Variants in ZNF536 observed in about 807,000 individuals in gnomAD.
ZNF536 encodes the protein zinc finger protein 536.
ZNF536 carries 13 observed loss-of-function variants against 84.5 expected under a neutral mutation model. That is an observed-to-expected ratio of 0.15 (90% confidence interval 0.10 to 0.24). The LOEUF is 0.24. ZNF536 is among the 10% of genes least tolerant of loss of function. ZNF536 has a pLI of 1.00. For missense variants in ZNF536, 1,536 were observed against 1,747.5 expected (o/e 0.88, Z 2.16); for synonymous variants, 811 against 742.5 (o/e 1.09, Z -1.50).
At chr19:30,489,892 A>G (rs2054441433) in intron 2 of ZNF536, among the ~76,000 whole-genome samples, 1 of 152,362 alleles carries the variant, frequency 6.6e-6, no homozygotes, top group South Asian at 2.1e-4. Flanking sequence ...CTGAAGAAGT[A>G]AAACAAATTC....
At chr19:30,627,315 G>C (rs1175458628) in intron 1 of ZNF536, among the ~76,000 whole-genome samples, 5 of 151,500 alleles carry the variant, frequency 3.3e-5, no homozygotes, top group African/African-American at 1.2e-4. Flanking sequence ...AAAAAAATAA[G>C]AAAATAGTCA....
intron 2 of ZNF536, among the ~76,000 whole-genome samples, chr19:30,316,499 C>A (rs531226318): frequency 2.4e-4 from 37 of 152,262 alleles, no homozygotes; most frequent in African/African-American, 8.9e-4. Context: ...TTGGACATTA[C>A]CCCTTTGTTA....
intron 1 of ZNF536, among the ~76,000 whole-genome samples, chr19:30,241,302 G>A (rs979507271): frequency 2.6e-5 from 4 of 152,184 alleles, no homozygotes; most frequent in South Asian, 2.1e-4. Context: ...GTGACACGGC[G>A]AGACCCTGTC....
At chr19:30,342,952 T>C (rs193172348) in intron 2 of ZNF536, among the ~76,000 whole-genome samples, 20 of 152,374 alleles carry the variant, frequency 1.3e-4, no homozygotes, top group Non-Finnish European at 2.2e-4. Context: ...CAATCATGCC[T>C]GGCTTAGTGC....
chr19:30,326,814 T>TTTTTTTTTTTTG (rs2047053301), intron 2 of ZNF536, among the ~76,000 whole-genome samples: 3 of 139,956 alleles, frequency 2.1e-5, no homozygotes, highest in Non-Finnish European at 3.1e-5. Flanking sequence ...TTTTTTTTTT[T>TTTTTTTTTTTTG]TTTTGTTTTC....
At chr19:30,277,580 T>G (rs1004299631) in intron 1 of ZNF536, among the ~76,000 whole-genome samples, 1 of 152,232 alleles carries the variant, frequency 6.6e-6, no homozygotes, top group Non-Finnish European at 1.5e-5. Context: ...AGCCGTGTCG[T>G]ATGATGCTGG....
At chr19:30,569,810 G>C (rs1017003986) in intron 1 of ZNF536, among the ~76,000 whole-genome samples, 6 of 151,814 alleles carry the variant, frequency 4.0e-5, no homozygotes, top group Non-Finnish European at 8.8e-5. Flanking sequence ...GGCCTCAAGT[G>C]ATCTACCCAC....
At chr19:30,595,489 T>G (rs901276370) in intron 1 of ZNF536, among the ~76,000 whole-genome samples, 1 of 152,140 alleles carries the variant, frequency 6.6e-6, no homozygotes, top group Non-Finnish European at 1.5e-5. Context: ...GGTCTCTCTA[T>G]GTTGCCCAGG....
chr19:30,630,085 CAA>C (rs1313685820), intron 1 of ZNF536, among the ~76,000 whole-genome samples: 2 of 152,292 alleles, frequency 1.3e-5, no homozygotes, highest in African/African-American at 4.8e-5. Context: ...ATTCTTTTTA[CAA>C]AAGTTTTATC....
intron 1 of ZNF536, among the ~76,000 whole-genome samples, chr19:30,404,643 A>G (rs2050191303): frequency 6.6e-6 from 1 of 152,162 alleles, no homozygotes; most frequent in South Asian, 2.1e-4. Flanking sequence ...TTGTTTCTAG[A>G]AAACTCTCCA....
intron 1 of ZNF536, among the ~76,000 whole-genome samples, chr19:30,677,168 T>G (rs1458137159): frequency 6.6e-6 from 1 of 152,228 alleles, no homozygotes; most frequent in African/African-American, 2.4e-5. Context: ...GCAATCTCCC[T>G]GGGGCCAGGC....
chr19:30,634,057 C>T (rs1369959041), intron 1 of ZNF536, among the ~76,000 whole-genome samples: 1 of 152,098 alleles, frequency 6.6e-6, no homozygotes, highest in Non-Finnish European at 1.5e-5. Context: ...TACCCCTTCC[C>T]AGGAGCTCAG....
At chr19:30,567,559 A>G (rs532323290) in intron 1 of ZNF536, among the ~76,000 whole-genome samples, 27 of 152,118 alleles carry the variant, frequency 1.8e-4, no homozygotes, top group Non-Finnish European at 2.9e-4. Flanking sequence ...CTTCCCCCGC[A>G]GCGAGAGGGC....
upstream of ZNF536, among the ~76,000 whole-genome samples, chr19:30,368,734 T>C (rs1568364232): frequency 6.6e-6 from 1 of 152,242 alleles, no homozygotes; most frequent in African/African-American, 2.4e-5. Context: ...TGGCCTCTGG[T>C]ACAAACCAAC....
chr19:30,484,680 TTCTTC>T (rs1305977655), intron 2 of ZNF536, among the ~76,000 whole-genome samples: 426 of 148,640 alleles, frequency 2.9e-3, no homozygotes, highest in African/African-American at 9.6e-3. Flanking sequence ...CTTCTTCTTC[TTCTTC>T]TTTTTTTTTT....
chr19:30,415,189 C>T (rs2050664450), intron 1 of ZNF536, among the ~76,000 whole-genome samples: 1 of 79,162 alleles, frequency 1.3e-5, no homozygotes, highest in African/African-American at 6.4e-5. Context: ...CTCCCTCCCC[C>T]TCCTCCTCTT....
intron 2 of ZNF536, among the ~76,000 whole-genome samples, chr19:30,467,416 GATTC>G (rs1452544633): frequency 6.6e-6 from 1 of 152,164 alleles, no homozygotes; most frequent in African/African-American, 2.4e-5. Flanking sequence ...GCCTCCTCAA[GATTC>G]ATTCATGTTG....
chr19:30,376,308 C>T (rs907971110), intron 1 of ZNF536, among the ~76,000 whole-genome samples: 2 of 152,136 alleles, frequency 1.3e-5, no homozygotes, highest in African/African-American at 2.4e-5. Flanking sequence ...TGTCTTTGCC[C>T]TGGTGTATTT....
At chr19:30,429,478 G>A (rs1189976038) in intron 1 of ZNF536, among the ~76,000 whole-genome samples, 1 of 152,158 alleles carries the variant, frequency 6.6e-6, no homozygotes, top group African/African-American at 2.4e-5. Flanking sequence ...CTCTAGGGAA[G>A]GGAGTGGCAG....
Sources: allele counts gnomAD v4.1 joint callset (sites outside exome capture counted in the v4.1 genomes callset), GRCh38; gene constraint gnomAD v4.1.1; transcripts MANE v1.5; gene names NCBI Gene and HGNC (gene_info 2026-07-23, HGNC 2026-07-21).